FAM13A: variants seen among roughly 807,000 people sequenced by gnomAD.
The protein encoded by FAM13A is protein FAM13A.
A neutral mutation model predicts 129.6 loss-of-function variants in FAM13A; 76 were observed. That is an observed-to-expected ratio of 0.59 (90% CI 0.49 to 0.71). The LOEUF (loss-of-function observed/expected upper bound fraction) is 0.71, where lower values mean the gene tolerates loss of function less well. Among genes scored for constraint, FAM13A ranks in the 30% least tolerant of loss-of-function variants. The pLI, the probability that FAM13A is intolerant of heterozygous loss-of-function variation, is 0.00. For synonymous variants in FAM13A, 443 were observed against 449.9 expected, an observed-to-expected ratio of 0.98 and a Z score of 0.20; for missense variants, 1,108 against 1,249.3, an observed-to-expected ratio of 0.89 and a Z score of 1.70.
At chr4:88,960,666 CAG>C (rs1758473021) in intron 4 of FAM13A, among the ~76,000 whole-genome samples, 1 of 152,136 alleles carries the variant, frequency 6.6e-6, no homozygotes, top group African/African-American at 2.4e-5. Flanking sequence ...AAGAAAGACA[CAG>C]AGGTATCCTC....
At chr4:88,763,918 G>A (rs1415231463) in intron 13 of FAM13A, among the ~76,000 whole-genome samples, 4 of 152,174 alleles carry the variant, frequency 2.6e-5, no homozygotes, top group East Asian at 1.9e-4. Flanking sequence ...ATTTGGAAGC[G>A]AATTTGAAGT....
intron 1 of FAM13A, among the ~76,000 whole-genome samples, chr4:89,039,546 T>A (rs1044157319): frequency 6.6e-6 from 1 of 152,196 alleles, no homozygotes; most frequent in Non-Finnish European, 1.5e-5. Flanking sequence ...AACTTTGTAC[T>A]TCCTAGTCAT....
intron 5 of FAM13A, among the ~76,000 whole-genome samples, chr4:88,909,933 A>C (rs1280565184): frequency 6.6e-6 from 1 of 152,234 alleles, no homozygotes; most frequent in African/African-American, 2.4e-5. Context: ...TTTTTTACAA[A>C]GCCATGTAAA....
chr4:88,901,389 G>A (rs543460991), intron 6 of FAM13A, among the ~76,000 whole-genome samples: 9 of 151,976 alleles, frequency 5.9e-5, no homozygotes, highest in East Asian at 1.9e-4. Flanking sequence ...TCACATAATC[G>A]GAAGTAAAAC....
At chr4:89,002,667 C>A (rs377257038) in intron 3 of FAM13A, among the ~76,000 whole-genome samples, 23 of 152,118 alleles carry the variant, frequency 1.5e-4, no homozygotes, top group East Asian at 5.8e-4. Flanking sequence ...CCCCTGATCC[C>A]ATTTACAAAA....
At chr4:88,739,416 G>T (rs1739709211) in intron 19 of FAM13A, among the ~76,000 whole-genome samples, 1 of 151,820 alleles carries the variant, frequency 6.6e-6, no homozygotes, top group Non-Finnish European at 1.5e-5. Flanking sequence ...ACTCCTCAAG[G>T]TTCAGAGTTC....
chr4:88,815,450 GTTAT>G (rs974408274), intron 7 of FAM13A, among the ~76,000 whole-genome samples: 5 of 152,064 alleles, frequency 3.3e-5, no homozygotes, highest in African/African-American at 9.7e-5. Context: ...TCTGGAGTCC[GTTAT>G]TTGTTTAGCA....
At chr4:88,939,349 C>G (rs1160741932) in intron 4 of FAM13A, among the ~76,000 whole-genome samples, 1 of 152,136 alleles carries the variant, frequency 6.6e-6, no homozygotes, top group Non-Finnish European at 1.5e-5. Context: ...GCTCCACCAT[C>G]ACACGGCCTT....
chr4:89,042,801 T>C (rs1346886848), intron 1 of FAM13A, among the ~76,000 whole-genome samples: 1 of 152,232 alleles, frequency 6.6e-6, no homozygotes, highest in Non-Finnish European at 1.5e-5. Context: ...AAAAATTATT[T>C]AAAATTGCTT....
chr4:88,816,156 A>T (rs1422675806), intron 7 of FAM13A, among the ~76,000 whole-genome samples: 1 of 152,162 alleles, frequency 6.6e-6, no homozygotes, highest in Admixed American at 6.5e-5. Flanking sequence ...GTACATATAA[A>T]ATAGGAACTT....
rs565393794 is a variant in FAM13A, at chr4:88,914,795, G to C, written c.760-8333C>G. Reference sequence around the variant, plus strand: ...CTAGTATTCAGTGTATAGTTAATAAGTATTTTTTGAATGAACGAATAAAAC... The same window carrying C: ...CTAGTATTCAGTGTATAGTTAATAACTATTTTTTGAATGAACGAATAAAAC... On this transcript the variant is annotated intron_variant, in intron 5 of 23. Coordinates refer to ENST00000264344, the MANE Select transcript of FAM13A (RefSeq NM_014883.4). 6.7e-4 allele frequency among the ~76,000 whole-genome samples: 102 copies of C among 152,284 alleles called. 1 individual carries two copies. The highest frequency in any genetic ancestry group is 2.5e-3 in the African/African-American group (102 of 41,564).
intron 4 of FAM13A, among the ~76,000 whole-genome samples, chr4:88,962,450 A>G (rs1249080679): frequency 6.6e-6 from 1 of 152,202 alleles, no homozygotes; most frequent in African/African-American, 2.4e-5. Flanking sequence ...AATTTTCCAA[A>G]GAGGAAAGAA....
chr4:88,888,415 A>C (rs1744789690), intron 6 of FAM13A, among the ~76,000 whole-genome samples: 1 of 152,194 alleles, frequency 6.6e-6, no homozygotes, highest in Non-Finnish European at 1.5e-5. Context: ...TGAAAGGCAG[A>C]GGAAAAGACA....
At chr4:88,804,028 G>A (rs1442761097) in intron 8 of FAM13A, among the ~76,000 whole-genome samples, 10 of 151,888 alleles carry the variant, frequency 6.6e-5, no homozygotes, top group African/African-American at 1.4e-4. Context: ...AGGCTGAGGC[G>A]GGTGGATCAC....
chr4:88,745,831 G>A (rs1329692986), intron 19 of FAM13A, among the ~76,000 whole-genome samples: 2 of 151,312 alleles, frequency 1.3e-5, no homozygotes, highest in Non-Finnish European at 2.9e-5. Flanking sequence ...CAGGCCAGCA[G>A]AAGAATCATC....
chr4:88,771,413 A>T (rs1720654212), intron 11 of FAM13A, among the ~76,000 whole-genome samples: 1 of 152,102 alleles, frequency 6.6e-6, no homozygotes, highest in Admixed American at 6.6e-5. Flanking sequence ...ATGCCATTAG[A>T]CCTTCAAATG....
chr4:88,751,572 A>T (rs2149478346), intron 14 of FAM13A, among the ~76,000 whole-genome samples: 1 of 151,554 alleles, frequency 6.6e-6, no homozygotes, highest in Admixed American at 6.6e-5. Flanking sequence ...CGAACACCTT[A>T]CAAAGGACAA....
At chr4:88,928,685 G>A (rs977435680) in intron 5 of FAM13A, among the ~76,000 whole-genome samples, 5 of 133,218 alleles carry the variant, frequency 3.8e-5, no homozygotes, top group African/African-American at 1.4e-4. Context: ...CAGCCTATGT[G>A]TCTTTTTACA....
chr4:88,913,499 A>AGAGGAAGAG (rs1561319938), intron 5 of FAM13A, among the ~76,000 whole-genome samples: 1 of 146,226 alleles, frequency 6.8e-6, no homozygotes, highest in East Asian at 2.1e-4. Context: ...AAGAGGAGGA[A>AGAGGAAGAG]GAGGAAGAGG....
Sources: gnomAD v4.1 joint callset for allele counts (sites outside exome capture counted in the v4.1 genomes callset) on GRCh38, gnomAD v4.1.1 for gene constraint, MANE v1.5 for transcripts, NCBI Gene and HGNC (gene_info 2026-07-23, HGNC 2026-07-21) for gene names.